MPZL3: variants seen among roughly 807,000 people sequenced by gnomAD.
MPZL3 encodes myelin protein zero like 3.
MPZL3 carries 23 observed loss-of-function variants against 24.8 expected under a neutral mutation model. The ratio of observed to expected loss-of-function variants is 0.93; its 90% CI spans 0.67 to 1.31. The LOEUF is 1.31. Among genes scored for constraint, MPZL3 ranks in the 40% most tolerant of loss-of-function variants. MPZL3 has a pLI of 0.00. For synonymous variants in MPZL3, 99 were observed against 106.5 expected, an observed-to-expected ratio of 0.93 and a Z score of 0.44; for missense variants, 277 against 294.9, an observed-to-expected ratio of 0.94 and a Z score of 0.44.
chr11:118,227,741 T>C lies in MPZL3; in HGVS notation c.*2153A>G, dbSNP rs1448652142. 6.6e-6 allele frequency: 1 copy of C among 152,212 alleles called. No homozygotes were observed. Among genetic ancestry groups the C allele is most frequent in the Non-Finnish European group, 1.5e-5 (1 of 68,044 alleles). 9.4% of individuals were successfully genotyped at this position (152,212 alleles called of 1,614,324 possible). ...CAATCTACAAACATACTACCCTGCATTAATCTTCACAACACACCTGCGAGG... is the reference window on the plus strand; with the variant it reads ...CAATCTACAAACATACTACCCTGCACTAATCTTCACAACACACCTGCGAGG... On this transcript the variant is annotated 3_prime_UTR_variant, in exon 6 of 6. Transcript: ENST00000278949.
intron 5 of MPZL3, among the ~76,000 whole-genome samples, chr11:118,233,023 G>A (rs1449008866): frequency 6.6e-6 from 1 of 152,074 alleles, no homozygotes; most frequent in Non-Finnish European, 1.5e-5. Flanking sequence ...GCCTTCCAGG[G>A]TGGTATTTCT....
Position 118,240,295 on chromosome 11 carries a change from GC to G in MPZL3, c.155del (p.Cys52SerfsTer15). On this transcript the variant is annotated frameshift_variant, in exon 2 of 6. Transcript: ENST00000278949. ...GYVGEKIKLK[C>X]TFKSTSDVTD... ...TGACATCTGAAGTTGACTTGAAAGT[GC>G]ATTTCAACTTGATCTTTTCTCCAAC... The G allele has an allele frequency of 1.2e-6, 2 of 1,609,058 alleles. No homozygotes were observed. Among genetic ancestry groups the G allele is most frequent in the Non-Finnish European group, 1.7e-6 (2 of 1,178,276 alleles).
At chr11:118,247,929 C>T (rs1949573582) in intron 1 of MPZL3, among the ~76,000 whole-genome samples, 1 of 152,096 alleles carries the variant, frequency 6.6e-6, no homozygotes, top group Admixed American at 6.5e-5. Context: ...AATGCATTTC[C>T]CTCTTAGTAT....
intron 1 of MPZL3, among the ~76,000 whole-genome samples, chr11:118,241,854 A>G (rs1399762208): frequency 6.6e-6 from 1 of 152,220 alleles, no homozygotes. Flanking sequence ...CCCAAAGATG[A>G]AGATTACTTC....
intron 5 of MPZL3, among the ~76,000 whole-genome samples, chr11:118,230,340 T>A (rs1949334810): frequency 6.6e-6 from 1 of 152,194 alleles, no homozygotes; most frequent in South Asian, 2.1e-4. Flanking sequence ...TGTGGCTGTG[T>A]GACCTTGGAT....
At chr11:118,248,917 A>G (rs750084281) in intron 1 of MPZL3, among the ~76,000 whole-genome samples, 1 of 152,202 alleles carries the variant, frequency 6.6e-6, no homozygotes, top group Non-Finnish European at 1.5e-5. Context: ...AGTGCCTTTT[A>G]AAAGTGTTTA....
chr11:118,237,372 G>T, intron 2 of MPZL3, 112 bp from the exon 3 acceptor site: 1 of 935,262 alleles, frequency 1.1e-6, no homozygotes. Flanking sequence ...TTTTTTTTCA[G>T]TTGGGCAACT....
chr11:118,251,081 GTGTGTGTGT>G (rs1447181062), intron 1 of MPZL3, among the ~76,000 whole-genome samples: 1 of 17,362 alleles, frequency 5.8e-5, no homozygotes, highest in Non-Finnish European at 1.3e-4. Context: ...TATTTCTCGT[GTGTGTGTGT>G]GTGTGTGTGT....
chr11:118,234,130 A>G (rs1949389584), intron 4 of MPZL3, among the ~76,000 whole-genome samples: 5 of 152,264 alleles, frequency 3.3e-5, no homozygotes, highest in Admixed American at 3.3e-4. Flanking sequence ...TCAATAAATT[A>G]TCCCTCATTC....
intron 1 of MPZL3, among the ~76,000 whole-genome samples, chr11:118,248,945 C>A (rs1216609240): frequency 6.6e-6 from 1 of 152,146 alleles, no homozygotes; most frequent in Non-Finnish European, 1.5e-5. Flanking sequence ...AGTGTCCTTC[C>A]AAGCTTAAGA....
chr11:118,251,425 T>C (rs1200263369), intron 1 of MPZL3, among the ~76,000 whole-genome samples: 3 of 152,182 alleles, frequency 2.0e-5, no homozygotes, highest in East Asian at 1.9e-4. Context: ...TTCACTCTAA[T>C]ACTAGATATA....
At position 118,229,456 on chromosome 11, in the gene MPZL3, G is replaced by A. The variant is rs1450443039; in HGVS notation, c.*438C>T. On this transcript the variant is annotated 3_prime_UTR_variant, in exon 6 of 6. Transcript: ENST00000278949. ...AAAAAACAAAGAATACATATCCCAA[G>A]CGAATATTTTGTCTGGTGACACATC... 6.1e-6 allele frequency: 1 copy of A among 165,150 alleles called. No individual in the cohort carries two copies. The highest frequency in any genetic ancestry group is 2.4e-5 in the African/African-American group (1 of 41,554). The allele number at this position is 165,150 out of a possible 1,614,324, so 10.2% of individuals were successfully genotyped here.
At chr11:118,246,585 C>CTTTT (rs71301655) in intron 1 of MPZL3, among the ~76,000 whole-genome samples, 2,135 of 123,202 alleles carry the variant, frequency 0.017, 126 homozygotes, top group African/African-American at 0.063. Context: ...TTTTTCTTTT[C>CTTTT]TTTTTTTTTT....
chr11:118,231,031 TG>T (rs1403018614), intron 5 of MPZL3, among the ~76,000 whole-genome samples: 1 of 152,218 alleles, frequency 6.6e-6, no homozygotes, highest in Non-Finnish European at 1.5e-5. Context: ...CCTGTCTCTC[TG>T]CATCCCTTCA....
chr11:118,240,002 T>C (rs931829633), intron 2 of MPZL3, among the ~76,000 whole-genome samples: 4 of 152,210 alleles, frequency 2.6e-5, no homozygotes, highest in African/African-American at 9.7e-5. Flanking sequence ...TCTGACAGCT[T>C]TTTTCCTGCA....
chr11:118,241,888 C>T (rs868341977), intron 1 of MPZL3, among the ~76,000 whole-genome samples: 7 of 152,208 alleles, frequency 4.6e-5, no homozygotes, highest in South Asian at 4.1e-4. Flanking sequence ...GCACCCTTTC[C>T]GACTTTGCCA....
rs186324347 is a variant in MPZL3, at chr11:118,240,330, G to A, written c.121C>T (p.Arg41Ter). ...SLEIRADAHV[R>*]GYVGEKIKLK... ...TTGATCTTTTCTCCAACATAACCTC[G>A]GACATGGGCATCTGCACGAATCTCC... The change falls in exon 2 of 6, where the codon CGA (arginine) becomes TGA (stop). Residue 41 changes from arginine (R) to a stop codon, truncating the protein, a stop_gained. Coordinates refer to ENST00000278949, the MANE Select transcript of MPZL3 (RefSeq NM_198275.3). LOFTEE classifies it high-confidence loss of function. The A allele has an allele frequency of 1.9e-5, 31 of 1,607,480 alleles. No individual in the cohort carries two copies. The highest frequency in any genetic ancestry group is 1.5e-4 in the South Asian group (13 of 89,518).
At chr11:118,236,250 G>A (rs1318095184) in intron 3 of MPZL3, among the ~76,000 whole-genome samples, 4 of 151,708 alleles carry the variant, frequency 2.6e-5, no homozygotes, top group African/African-American at 4.9e-5. Context: ...AAACCTACAA[G>A]TTATTACCTT....
Position 118,228,399 on chromosome 11 carries a change from T to A in MPZL3, c.*1495A>T, listed in dbSNP as rs928320270. The A allele has an allele frequency of 6.6e-6, 1 of 152,228 alleles. No individual in the cohort carries two copies. The highest frequency in any genetic ancestry group is 2.4e-5 in the African/African-American group (1 of 41,454). 9.4% of individuals were successfully genotyped at this position (152,228 alleles called of 1,614,324 possible). ...GTGAGGGGATAATTTTTGTCTCTCA[T>A]AATTGAGAAGTAAATCCAATCACTA... On this transcript the variant is annotated 3_prime_UTR_variant, in exon 6 of 6. Transcript: ENST00000278949.
Sources: gnomAD v4.1 joint callset for allele counts (sites outside exome capture counted in the v4.1 genomes callset) on GRCh38, gnomAD v4.1.1 for gene constraint, MANE v1.5 for transcripts, NCBI Gene and HGNC (gene_info 2026-07-23, HGNC 2026-07-21) for gene names.